METTL15: variants seen among roughly 807,000 people sequenced by gnomAD.
METTL15 encodes the protein 12S rRNA N(4)-cytidine methyltransferase METTL15.
In METTL15, 34 loss-of-function variants were observed where a neutral mutation model predicts 38.3. That is an observed-to-expected ratio of 0.89 (90% confidence interval 0.68 to 1.18). The LOEUF (loss-of-function observed/expected upper bound fraction) is 1.18. Among genes scored for constraint, METTL15 ranks in the 50% most tolerant of loss-of-function variants. METTL15 has a pLI of 0.00. For synonymous variants in METTL15, 162 were observed against 170.9 expected, an observed-to-expected ratio of 0.95 and a Z score of 0.41; for missense variants, 438 against 498.4, an observed-to-expected ratio of 0.88 and a Z score of 1.15.
intron 3 of METTL15, among the ~76,000 whole-genome samples, chr11:28,134,091 C>T (rs142424450): frequency 1.4e-4 from 22 of 152,292 alleles, no homozygotes; most frequent in Middle Eastern, 3.4e-3. Context: ...AACGGAACAA[C>T]ATGTGAACTG....
At chr11:28,520,483 C>T (rs906107299) in intron 6 of METTL15, among the ~76,000 whole-genome samples, 1 of 152,178 alleles carries the variant, frequency 6.6e-6, no homozygotes, top group Non-Finnish European at 1.5e-5. Flanking sequence ...GCAGTGAAAA[C>T]AGCTACATCA....
intron 4 of METTL15, among the ~76,000 whole-genome samples, chr11:28,280,101 G>A (rs1279840390): frequency 6.6e-6 from 1 of 151,874 alleles, no homozygotes; most frequent in Non-Finnish European, 1.5e-5. Flanking sequence ...TGTACAGTCT[G>A]TATTAATCTG....
chr11:28,528,707 A>G (rs1279318477), downstream of METTL15, among the ~76,000 whole-genome samples: 1 of 152,060 alleles, frequency 6.6e-6, no homozygotes, highest in Non-Finnish European at 1.5e-5. Flanking sequence ...CAAAAACCTT[A>G]TTTTTTCCTT....
intron 6 of METTL15, among the ~76,000 whole-genome samples, chr11:28,303,000 G>A (rs7123242): frequency 0.087 from 13,297 of 152,058 alleles, 1,012 homozygotes; most frequent in East Asian, 0.36. Flanking sequence ...CAGAATTGAT[G>A]TATTTGATGT....
chr11:28,394,471 T>C (rs1850547705), intron 5 of METTL15, among the ~76,000 whole-genome samples: 1 of 152,184 alleles, frequency 6.6e-6, no homozygotes, highest in East Asian at 1.9e-4. Context: ...TCACACACTC[T>C]GGCTCACAAG....
At chr11:28,475,550 C>A (rs144440403) in intron 6 of METTL15, among the ~76,000 whole-genome samples, 2 of 152,260 alleles carry the variant, frequency 1.3e-5, no homozygotes, top group Middle Eastern at 3.4e-3. Context: ...TGGTACCCTA[C>A]TTCAGTGTTG....
chr11:28,322,279 G>T (rs751462796), intron 6 of METTL15, among the ~76,000 whole-genome samples: 18 of 152,034 alleles, frequency 1.2e-4, no homozygotes, highest in Non-Finnish European at 2.4e-4. Flanking sequence ...GTTGACAAAA[G>T]GTTAATATCC....
At chr11:28,219,305 G>C (rs1462444456) in intron 4 of METTL15, among the ~76,000 whole-genome samples, 7 of 152,106 alleles carry the variant, frequency 4.6e-5, no homozygotes, top group Admixed American at 4.6e-4. Context: ...TGTGTGATGA[G>C]GAATTTATCC....
chr11:28,495,523 T>C (rs1244660579), intron 6 of METTL15, among the ~76,000 whole-genome samples: 1 of 152,208 alleles, frequency 6.6e-6, no homozygotes, highest in Non-Finnish European at 1.5e-5. Flanking sequence ...TTGGCTTTCC[T>C]ATCCAACTGT....
At chr11:28,222,578 A>G (rs1000586095) in intron 4 of METTL15, among the ~76,000 whole-genome samples, 6 of 152,270 alleles carry the variant, frequency 3.9e-5, no homozygotes, top group African/African-American at 1.4e-4. Context: ...ACTGTCCTAC[A>G]ATCCCCAGTG....
intron 5 of METTL15, among the ~76,000 whole-genome samples, chr11:28,382,790 G>C (rs1189807802): frequency 1.3e-5 from 2 of 151,554 alleles, no homozygotes; most frequent in African/African-American, 4.9e-5. Flanking sequence ...AGCCAAGATA[G>C]CGCCACTGCA....
At chr11:28,231,159 A>G (rs1441036797) in intron 4 of METTL15, among the ~76,000 whole-genome samples, 5 of 151,928 alleles carry the variant, frequency 3.3e-5, no homozygotes, top group Non-Finnish European at 7.4e-5. Context: ...AGCTGGATAA[A>G]AAGGTCAACA....
chr11:28,345,521 A>G (rs1448864144), intron 3 of METTL15, among the ~76,000 whole-genome samples: 1 of 152,170 alleles, frequency 6.6e-6, no homozygotes, highest in Non-Finnish European at 1.5e-5. Flanking sequence ...GGATAGTCAT[A>G]TATATTATTT....
chr11:28,135,974 C>A (rs1849501137), intron 3 of METTL15, among the ~76,000 whole-genome samples: 1 of 152,156 alleles, frequency 6.6e-6, no homozygotes, highest in African/African-American at 2.4e-5. Context: ...CTTCATGAGT[C>A]CTGTATGTTT....
At chr11:28,478,852 G>A (rs1851369933) in intron 6 of METTL15, among the ~76,000 whole-genome samples, 1 of 152,126 alleles carries the variant, frequency 6.6e-6, no homozygotes, top group Admixed American at 6.6e-5. Context: ...TTTTGGTGTT[G>A]ATGTTTTTTT....
At chr11:28,126,612 CAGTG>C (rs1222322337) in intron 3 of METTL15, among the ~76,000 whole-genome samples, 1 of 152,016 alleles carries the variant, frequency 6.6e-6, no homozygotes. Context: ...TAAAAAATGG[CAGTG>C]AGGTGTTATA....
At chr11:28,270,107 A>G (rs1855583458) in intron 4 of METTL15, among the ~76,000 whole-genome samples, 1 of 152,190 alleles carries the variant, frequency 6.6e-6, no homozygotes, top group South Asian at 2.1e-4. Flanking sequence ...TGTTATTGTT[A>G]TGAATTATCT....
At chr11:28,349,599 G>A (rs967764205) in intron 3 of METTL15, among the ~76,000 whole-genome samples, 9 of 152,160 alleles carry the variant, frequency 5.9e-5, no homozygotes, top group Non-Finnish European at 1.2e-4. Flanking sequence ...TTAATTGTGA[G>A]TATGTTTAGT....
intron 6 of METTL15, among the ~76,000 whole-genome samples, chr11:28,494,277 T>C (rs1206926738): frequency 6.6e-6 from 1 of 152,152 alleles, no homozygotes; most frequent in Non-Finnish European, 1.5e-5. Context: ...TTTAATTATC[T>C]ACTGTCATTT....
Sources: allele counts gnomAD v4.1 joint callset (sites outside exome capture counted in the v4.1 genomes callset), GRCh38; gene constraint gnomAD v4.1.1; transcripts MANE v1.5; gene names NCBI Gene and HGNC (gene_info 2026-07-23, HGNC 2026-07-21).